Variants in SIRPA observed in about 807,000 individuals in gnomAD.
SIRPA encodes the protein signal regulatory protein alpha.
A neutral mutation model predicts 50.3 loss-of-function variants in SIRPA; 9 were observed. The ratio of observed to expected loss-of-function variants is 0.18; its 90% CI spans 0.11 to 0.31. SIRPA has a LOEUF of 0.31. Ranked by LOEUF, SIRPA falls within the 10% of genes least tolerant of loss-of-function variation. The probability of loss-of-function intolerance (pLI) is 1.00; values close to 1 mark genes in which losing one functional copy is unlikely to be tolerated. For missense variants in SIRPA, 474 were observed against 661.6 expected (o/e 0.72, Z 3.11); for synonymous variants, 265 against 284.1 (o/e 0.93, Z 0.68).
At position 1,937,776 on chromosome 20, in the gene SIRPA, C is replaced by G; in HGVS notation, c.*208C>G. ...GCCACGGCCCCCTCCCCCCACATTG[C>G]CACATACCTGGAGGCTGACGTTGCC... is the stretch of plus-strand genomic sequence containing the variant. On this transcript the variant is annotated 3_prime_UTR_variant, in exon 8 of 8. Coordinates refer to ENST00000358771, the MANE Select transcript of SIRPA (RefSeq NM_001040023.2). This position sits in a 1 kb window ranked among gnomAD's most constrained non-coding sequence, Gnocchi z 8.3. 1.6e-6 allele frequency: 1 copy of G among 643,040 alleles called. No homozygotes were observed. The highest frequency in any genetic ancestry group is 2.6e-6 in the Non-Finnish European group (1 of 381,882). 39.8% of individuals were successfully genotyped at this position (643,040 alleles called of 1,614,324 possible).
At chr20:1,920,913 C>G (rs1985607266) in intron 2 of SIRPA, among the ~76,000 whole-genome samples, 1 of 152,220 alleles carries the variant, frequency 6.6e-6, no homozygotes, top group African/African-American at 2.4e-5. Flanking sequence ...AGACAAGGAG[C>G]TGGGTGTGCC....
At chr20:1,923,150 G>C (rs1463762502) in intron 4 of SIRPA, among the ~76,000 whole-genome samples, 1 of 152,236 alleles carries the variant, frequency 6.6e-6, no homozygotes, top group African/African-American at 2.4e-5. Context: ...GACTATTTCT[G>C]TGTGATTGCC....
At chr20:1,909,281 C>T (rs1246227098) in intron 1 of SIRPA, among the ~76,000 whole-genome samples, 1 of 152,208 alleles carries the variant, frequency 6.6e-6, no homozygotes, top group African/African-American at 2.4e-5. Flanking sequence ...TGGTGACCCA[C>T]TGCTTCCGGG....
intron 1 of SIRPA, among the ~76,000 whole-genome samples, chr20:1,908,385 A>T (rs891953826): frequency 1.3e-5 from 2 of 151,548 alleles, no homozygotes; most frequent in African/African-American, 2.4e-5. Context: ...CATACACACC[A>T]CACTCACGTG....
chr20:1,899,758 C>T (rs1984057642), intron 1 of SIRPA, among the ~76,000 whole-genome samples: 1 of 152,096 alleles, frequency 6.6e-6, no homozygotes, highest in Non-Finnish European at 1.5e-5. Flanking sequence ...TTGATCTGAG[C>T]CCTGCTACTG....
rs1177623186 is a variant in SIRPA at position 1,898,767 on chromosome 20, GTT to G, written c.79+3244_79+3245del. ...GAAGAGTTCTTTCTCTGGGCAGAAG[GTT>G]TTGATGAAGTCACAGGCATTTCTCT... On this transcript the variant is annotated intron_variant, in intron 1 of 7. Coordinates refer to ENST00000358771, the MANE Select transcript of SIRPA (RefSeq NM_001040023.2). This position sits in a 1 kb window ranked among gnomAD's most constrained non-coding sequence, Gnocchi z 4.3. Among the ~76,000 whole-genome samples the G allele has an allele frequency of 6.6e-6, 1 of 152,064 alleles. No homozygotes were observed. Among genetic ancestry groups the G allele is most frequent in the South Asian group, 2.1e-4 (1 of 4,822 alleles).
chr20:1,901,159 CTTTCTTTTTTTTTT>C lies in SIRPA; in HGVS notation c.79+5637_79+5650del, dbSNP rs201473799. Among the ~76,000 whole-genome samples the C allele has an allele frequency of 0.02, 2,621 of 129,788 alleles. 184 individuals are homozygous for C. The East Asian group carries it at 0.28, about 14-fold the overall frequency. The allele number at this position is 129,788 out of a possible 152,430, so 85.1% of individuals were successfully genotyped here. On this transcript the variant is annotated intron_variant, in intron 1 of 7. Transcript: ENST00000358771. Reference sequence around the variant, plus strand: ...GTTTTTGTTTTTTCTTCCTTTCTTTCTTTCTTTTTTTTTTTTTTTTTTTTTTTTTGAGACGGAGT... The same window carrying C: ...GTTTTTGTTTTTTCTTCCTTTCTTTCTTTTTTTTTTTTTTTGAGACGGAGT...
intron 1 of SIRPA, among the ~76,000 whole-genome samples, chr20:1,903,011 C>CAAAAAAAAAAAAAA (rs58735842): frequency 5.5e-5 from 5 of 90,850 alleles, no homozygotes; most frequent in East Asian, 3.6e-4. Flanking sequence ...GACTCTGTCT[C>CAAAAAAAAAAAAAA]AAAAAAAAAA....
intron 1 of SIRPA, among the ~76,000 whole-genome samples, chr20:1,897,651 T>C (rs1044537754): frequency 1.3e-5 from 2 of 152,206 alleles, no homozygotes; most frequent in African/African-American, 4.8e-5. Context: ...AAGGCGGCTT[T>C]GGATTGAATG....
intron 6 of SIRPA, among the ~76,000 whole-genome samples, chr20:1,930,494 C>G (rs755220508): frequency 1.9e-4 from 29 of 152,252 alleles, no homozygotes; most frequent in Non-Finnish European, 3.5e-4. Context: ...TAGCACGTCC[C>G]ACTCTGCCTT....
In SIRPA at chr20:1,915,133, G is replaced by A. The variant is rs1380579047; in HGVS notation, c.114G>A (p.Gln38=). The part of the protein sequence containing the change: ...VAGEEELQVI[Q]PDKSVLVAAG... ...GTGAGGAGGAGCTGCAGGTGATTCAGCCTGACAAGTCCGTGTTGGTTGCAG... is the reference window on the plus strand; with the variant it reads ...GTGAGGAGGAGCTGCAGGTGATTCAACCTGACAAGTCCGTGTTGGTTGCAG... The change falls in exon 2 of 8, where the codon CAG becomes CAA. Residue 38 remains glutamine (Q), a synonymous_variant. Coordinates refer to ENST00000358771, the MANE Select transcript of SIRPA (RefSeq NM_001040023.2). The A allele has an allele frequency of 1.3e-6, 2 of 1,595,194 alleles. No individual in the cohort carries two copies. The highest frequency in any genetic ancestry group is 1.7e-6 in the Non-Finnish European group (2 of 1,167,126).
At chr20:1,929,877 G>C (rs1039065039) in intron 6 of SIRPA, among the ~76,000 whole-genome samples, 1 of 152,108 alleles carries the variant, frequency 6.6e-6, no homozygotes, top group African/African-American at 2.4e-5. Flanking sequence ...ATAAAGTCCA[G>C]ATGCCCCCCT....
Position 1,924,930 on chromosome 20 carries a change from G to T in SIRPA, c.1201+53G>T. The stretch of plus-strand genomic sequence containing the variant: ...AGGGTTTGTCCCTGGACTGTCCTCG[G>T]AGGGAGACGCCATTAGGTGCTTTGG... On this transcript the variant is annotated intron_variant, in intron 5 of 7. Coordinates refer to ENST00000358771, the MANE Select transcript of SIRPA (RefSeq NM_001040023.2). The surrounding 1 kb of genome is among the most constrained non-coding windows in gnomAD (Gnocchi z 4.5). The T allele has an allele frequency of 7.0e-7, 1 of 1,423,512 alleles. No individual in the cohort carries two copies. Among genetic ancestry groups the T allele is most frequent in the Non-Finnish European group, 9.9e-7 (1 of 1,009,054 alleles). 88.2% of individuals were successfully genotyped at this position (1,423,512 alleles called of 1,614,324 possible).
At chr20:1,901,207 G>A (rs2122982630) in intron 1 of SIRPA, among the ~76,000 whole-genome samples, 1 of 111,348 alleles carries the variant, frequency 9.0e-6, no homozygotes, top group Non-Finnish European at 1.7e-5. Flanking sequence ...GTCTTGCTCT[G>A]TCGCCCAGGC....
At chr20:1,917,987 C>T (rs1257141187) in intron 2 of SIRPA, among the ~76,000 whole-genome samples, 1 of 152,118 alleles carries the variant, frequency 6.6e-6, no homozygotes, top group East Asian at 1.9e-4. Context: ...AATTGATTGA[C>T]ATGAGAGCTT....
chr20:1,916,592 T>C lies in SIRPA; in HGVS notation c.436+1137T>C, dbSNP rs764745101. Among the ~76,000 whole-genome samples, 43 of 152,352 alleles carry C rather than the reference T, an allele frequency of 2.8e-4. No individual in the cohort carries two copies. In the Middle Eastern group the frequency reaches 0.01, roughly 36 times the overall value. The stretch of plus-strand genomic sequence containing the variant: ...TTCAGACCGTTAGGCCCACTGGTGA[T>C]TGGAAAACCGCTCCCAAATGTAAGC... On this transcript the variant is annotated intron_variant, in intron 2 of 7. Coordinates refer to ENST00000358771, the MANE Select transcript of SIRPA (RefSeq NM_001040023.2).
chr20:1,908,776 C>T (rs1024540486), intron 1 of SIRPA, among the ~76,000 whole-genome samples: 2 of 152,166 alleles, frequency 1.3e-5, no homozygotes, highest in African/African-American at 4.8e-5. Flanking sequence ...CTCATGTTCA[C>T]GTGTTCTATT....
chr20:1,899,940 G>A (rs1216444063), intron 1 of SIRPA, among the ~76,000 whole-genome samples: 2 of 152,148 alleles, frequency 1.3e-5, no homozygotes, highest in Non-Finnish European at 2.9e-5. Flanking sequence ...TAATTAGCAT[G>A]GCTTTATTCT....
intron 1 of SIRPA, among the ~76,000 whole-genome samples, chr20:1,904,099 T>C (rs1465261189): frequency 6.6e-6 from 1 of 152,116 alleles, no homozygotes; most frequent in Non-Finnish European, 1.5e-5. Flanking sequence ...GCAAAGCTTA[T>C]TCCCTAACTA....
Sources: gnomAD v4.1 joint callset for allele counts (sites outside exome capture counted in the v4.1 genomes callset) on GRCh38, gnomAD v4.1.1 for gene constraint, Gnocchi (gnomAD v3.1) non-coding constraint, MANE v1.5 for transcripts, NCBI Gene and HGNC (gene_info 2026-07-23, HGNC 2026-07-21) for gene names.